The following AKAP13 variants were observed in gnomAD, a reference collection of about 807,000 sequenced individuals.
AKAP13 encodes A-kinase anchoring protein 13.
A neutral mutation model predicts 264.5 loss-of-function variants in AKAP13; 80 were observed. That is an observed-to-expected ratio of 0.30 (90% CI 0.25 to 0.36). AKAP13 has a LOEUF of 0.36. Ranked by LOEUF, AKAP13 falls within the 10% of genes least tolerant of loss-of-function variation. The probability of loss-of-function intolerance (pLI) is 1.00; values close to 1 mark genes in which losing one functional copy is unlikely to be tolerated. For synonymous variants in AKAP13, 1,380 were observed against 1,250.2 expected (o/e 1.10, Z -2.19); for missense variants, 3,712 against 3,435.2 (o/e 1.08, Z -2.01).
At chr15:85,446,794 A>C (rs945578025) in intron 1 of AKAP13, among the ~76,000 whole-genome samples, 1 of 147,276 alleles carries the variant, frequency 6.8e-6, no homozygotes, top group African/African-American at 2.5e-5. Flanking sequence ...CCAGGCTCTG[A>C]TGAAGAGGAT....
chr15:85,621,835 GTTTT>G lies in AKAP13; in HGVS notation c.4162-17535_4162-17532del, dbSNP rs543769857. ...TTGAGTGACAAGAATGTGGTTTTTT[GTTTT>G]TTTGTTTTCCCCACAAACCTACAGC... On this transcript the variant is annotated intron_variant, in intron 8 of 36. Transcript: ENST00000394518. Among the ~76,000 whole-genome samples the G allele has an allele frequency of 1.7e-4, 26 of 152,078 alleles. No individual in the cohort carries two copies. The East Asian group carries it at 4.8e-3, about 28-fold the overall frequency.
chr15:85,615,431 CGA>C lies in AKAP13; in HGVS notation c.4162-23942_4162-23941del, dbSNP rs1567156558. On this transcript the variant is annotated intron_variant, in intron 8 of 36. Transcript: ENST00000394518. ...AGTACAAGGAAAGCCTAATTGGAGA[CGA>C]TCCTTTGCAGCCATTGTAAAGTATT... Among the ~76,000 whole-genome samples the C allele has an allele frequency of 3.1e-4, 28 of 91,102 alleles. No individual in the cohort carries two copies. In the East Asian group the frequency reaches 7.6e-3, roughly 25 times the overall value. 59.8% of individuals were successfully genotyped at this position (91,102 alleles called of 152,430 possible).
chr15:85,605,429 A>G (rs1241311520), intron 8 of AKAP13, among the ~76,000 whole-genome samples: 1 of 152,186 alleles, frequency 6.6e-6, no homozygotes, highest in Non-Finnish European at 1.5e-5. Flanking sequence ...CAATGAGAAC[A>G]TGTGGATGCA....
At chr15:85,488,178 C>T (rs1168002828) in intron 2 of AKAP13, among the ~76,000 whole-genome samples, 1 of 152,198 alleles carries the variant, frequency 6.6e-6, no homozygotes, top group Non-Finnish European at 1.5e-5. Flanking sequence ...GCCATCCTGC[C>T]TGGCCTGTTT....
chr15:85,622,697 C>T (rs943203198), intron 8 of AKAP13, among the ~76,000 whole-genome samples: 1 of 152,118 alleles, frequency 6.6e-6, no homozygotes, highest in African/African-American at 2.4e-5. Flanking sequence ...TCTCATTTTA[C>T]GTACAGGAAA....
At chr15:85,668,183 G>A (rs1276526896) in intron 13 of AKAP13, among the ~76,000 whole-genome samples, 1 of 152,170 alleles carries the variant, frequency 6.6e-6, no homozygotes, top group Non-Finnish European at 1.5e-5. Context: ...CATAGCAACT[G>A]TTTGCCTCAG....
intron 30 of AKAP13, among the ~76,000 whole-genome samples, chr15:85,734,452 CTTCTTT>C (rs2088291699): frequency 6.6e-6 from 1 of 152,070 alleles, no homozygotes; most frequent in South Asian, 2.1e-4. Context: ...CCACCTGGCC[CTTCTTT>C]TTCTTTATCT....
chr15:85,664,450 C>T, intron 12 of AKAP13, 113 bp from the exon 13 acceptor site: 1 of 1,079,460 alleles, frequency 9.3e-7, no homozygotes, highest in Admixed American at 2.4e-5. Context: ...GTTTTGCTAG[C>T]TGACATAGAA....
At position 85,665,746 on chromosome 15, in the gene AKAP13, T is replaced by G. The variant is rs59640398; in HGVS notation, c.4992+991T>G. On this transcript the variant is annotated intron_variant, in intron 13 of 36. Transcript: ENST00000394518. ...CCCCGTGTCCAAGTGTTCTCATTGT[T>G]CAGTTCCCACCTATGAGTGAGAACA... 5.2e-3 allele frequency among the ~76,000 whole-genome samples: 792 copies of G among 152,308 alleles called. 15 individuals carry two copies. The highest frequency in any genetic ancestry group is 0.011 in the East Asian group (58 of 5,180).
At chr15:85,603,485 C>T (rs999066969) in intron 8 of AKAP13, among the ~76,000 whole-genome samples, 4 of 152,176 alleles carry the variant, frequency 2.6e-5, no homozygotes, top group African/African-American at 7.2e-5. Flanking sequence ...TTTTGCAGAC[C>T]GCACTTTGAG....
intron 1 of AKAP13, among the ~76,000 whole-genome samples, chr15:85,401,282 T>C: frequency 7.2e-6 from 1 of 138,504 alleles, no homozygotes; most frequent in East Asian, 2.1e-4. Context: ...CCCAGTTTTT[T>C]ATGTAGTATA....
chr15:85,628,146 GATGTATGT>G (rs1213795571), intron 8 of AKAP13, among the ~76,000 whole-genome samples: 13 of 152,276 alleles, frequency 8.5e-5, no homozygotes, highest in Middle Eastern at 6.8e-3. Flanking sequence ...GACTCATAAG[GATGTATGT>G]ATATATCTAT....
At chr15:85,439,809 G>A (rs1434391185) in intron 1 of AKAP13, among the ~76,000 whole-genome samples, 1 of 123,370 alleles carries the variant, frequency 8.1e-6, no homozygotes, top group Admixed American at 8.9e-5. Flanking sequence ...ATCACACTCT[G>A]GGGACTGTGG....
At chr15:85,545,218 G>C (rs1294279499) in intron 5 of AKAP13, among the ~76,000 whole-genome samples, 1 of 152,270 alleles carries the variant, frequency 6.6e-6, no homozygotes, top group South Asian at 2.1e-4. Context: ...TTCATTCTAC[G>C]GTTAGCCTCA....
chr15:85,532,670 T>C (rs1220487244), intron 3 of AKAP13, among the ~76,000 whole-genome samples: 3 of 152,256 alleles, frequency 2.0e-5, no homozygotes, highest in Non-Finnish European at 4.4e-5. Flanking sequence ...TTCTGAATAT[T>C]GGAAATATTT....
At position 85,387,434 on chromosome 15, in the gene AKAP13, G is replaced by A. The variant is rs148318333; in HGVS notation, c.-12+6636G>A. On this transcript the variant is annotated intron_variant, in intron 1 of 36. Transcript: ENST00000394518. ...CAGCCTTGATCTCCTGGGCCCAAGCGATTCTCCCACGTCAGCCTCCCAAGT... is the reference window on the plus strand; with the variant it reads ...CAGCCTTGATCTCCTGGGCCCAAGCAATTCTCCCACGTCAGCCTCCCAAGT... Among the ~76,000 whole-genome samples the A allele has an allele frequency of 1.5e-3, 227 of 152,268 alleles. 3 individuals are homozygous for A. Among genetic ancestry groups the A allele is most frequent in the African/African-American group, 5.2e-3 (215 of 41,554 alleles).
intron 8 of AKAP13, among the ~76,000 whole-genome samples, chr15:85,610,427 G>A (rs1045342280): frequency 6.6e-6 from 1 of 152,086 alleles, no homozygotes; most frequent in Non-Finnish European, 1.5e-5. Context: ...TTCTATTTTG[G>A]TTTCTATGGC....
chr15:85,566,101 T>C (rs2078596390), intron 5 of AKAP13, among the ~76,000 whole-genome samples: 1 of 152,256 alleles, frequency 6.6e-6, no homozygotes, highest in Admixed American at 6.5e-5. Context: ...TGTGAACTAT[T>C]TGTACTATCA....
chr15:85,411,464 G>T (rs1486690381), intron 1 of AKAP13, among the ~76,000 whole-genome samples: 1 of 152,014 alleles, frequency 6.6e-6, no homozygotes, highest in East Asian at 1.9e-4. Flanking sequence ...TTGAGATGGA[G>T]TCTTGCTCCG....
Sources: gnomAD v4.1 joint callset for allele counts (sites outside exome capture counted in the v4.1 genomes callset) on GRCh38, gnomAD v4.1.1 for gene constraint, MANE v1.5 for transcripts, NCBI Gene and HGNC (gene_info 2026-07-23, HGNC 2026-07-21) for gene names.